TMEM132B: variants seen among roughly 807,000 people sequenced by gnomAD.
TMEM132B encodes the protein transmembrane protein 132B.
Under a neutral mutation model 90.8 loss-of-function variants are expected in TMEM132B, and 18 were observed. That is an observed-to-expected ratio of 0.20 (90% CI 0.14 to 0.29). TMEM132B has a LOEUF of 0.29. Ranked by LOEUF, TMEM132B falls within the 10% of genes least tolerant of loss-of-function variation. The pLI is 1.00. For missense variants in TMEM132B, 1,096 were observed against 1,326.8 expected (o/e 0.83, Z 2.70); for synonymous variants, 504 against 523.3 (o/e 0.96, Z 0.50).
At chr12:125,509,695 A>G (rs940459864) in intron 3 of TMEM132B, among the ~76,000 whole-genome samples, 2 of 152,150 alleles carry the variant, frequency 1.3e-5, no homozygotes, top group African/African-American at 4.8e-5. Flanking sequence ...TGAATTTTAC[A>G]TCTTAGGAAT....
chr12:125,622,539 T>C, intron 5 of TMEM132B: 1 of 955,280 alleles, frequency 1.0e-6, no homozygotes, highest in Non-Finnish European at 1.2e-6. Flanking sequence ...GTGGAGGCCA[T>C]GCTTTCACAT....
intron 3 of TMEM132B, among the ~76,000 whole-genome samples, chr12:125,496,555 A>G (rs932231791): frequency 6.6e-6 from 1 of 152,116 alleles, no homozygotes; most frequent in African/African-American, 2.4e-5. Flanking sequence ...AAATCAGCTT[A>G]ACCAAATATT....
chr12:125,263,054 T>C (rs1874603909), intron 1 of TMEM132B, among the ~76,000 whole-genome samples: 1 of 152,230 alleles, frequency 6.6e-6, no homozygotes, highest in African/African-American at 2.4e-5. Flanking sequence ...TACCCAGCAG[T>C]TTTCCACTTA....
chr12:125,315,145 GC>G (rs145415871), intron 1 of TMEM132B, among the ~76,000 whole-genome samples: 1,782 of 152,358 alleles, frequency 0.012, 23 homozygotes, highest in Non-Finnish European at 0.018. Context: ...CAGCACAGCA[GC>G]AAATCCAGCT....
chr12:125,384,542 T>C (rs1019764946), intron 2 of TMEM132B, among the ~76,000 whole-genome samples: 1 of 152,240 alleles, frequency 6.6e-6, no homozygotes, highest in African/African-American at 2.4e-5. Flanking sequence ...GTAAGAATAT[T>C]TAAAATATAC....
intron 1 of TMEM132B, among the ~76,000 whole-genome samples, chr12:125,224,542 T>C (rs1467236063): frequency 2.0e-5 from 3 of 152,222 alleles, no homozygotes; most frequent in East Asian, 3.9e-4. Flanking sequence ...GTGACTGTCT[T>C]GTATGAGGCA....
At chr12:125,402,175 A>ACTATCTATCTATCTAT (rs369737347) in intron 2 of TMEM132B, among the ~76,000 whole-genome samples, 4 of 152,076 alleles carry the variant, frequency 2.6e-5, no homozygotes, top group African/African-American at 9.7e-5. Context: ...TTGTTTACTT[A>ACTATCTATCTATCTAT]CTATCTATCT....
At chr12:125,509,677 A>G (rs973921760) in intron 3 of TMEM132B, among the ~76,000 whole-genome samples, 1 of 151,852 alleles carries the variant, frequency 6.6e-6, no homozygotes, top group African/African-American at 2.4e-5. Context: ...CTATTCTTTT[A>G]TACTTTTTGA....
intron 1 of TMEM132B, among the ~76,000 whole-genome samples, chr12:125,268,502 T>C (rs1026479804): frequency 1.3e-5 from 2 of 152,208 alleles, no homozygotes; most frequent in Admixed American, 6.5e-5. Context: ...GAAGACAGTG[T>C]ATATATTGGC....
intron 5 of TMEM132B, among the ~76,000 whole-genome samples, chr12:125,614,062 G>T (rs1029023563): frequency 1.3e-5 from 2 of 152,084 alleles, no homozygotes; most frequent in Admixed American, 6.6e-5. Context: ...AAGAAAGGAA[G>T]AAAAAGAAAT....
At chr12:125,328,771 C>A (rs1056346369) in intron 1 of TMEM132B, among the ~76,000 whole-genome samples, 3 of 152,210 alleles carry the variant, frequency 2.0e-5, no homozygotes, top group Non-Finnish European at 4.4e-5. Context: ...CAATGAACTA[C>A]AGGTCCTGTT....
rs573894768 is a variant in TMEM132B at position 125,659,552 on chromosome 12, T to G, written c.*4842T>G. ...GAGAGGCTGAAGTAGATGTTTCAGC[T>G]GAAAGATGGGTGGTACACTTGCCAA... On this transcript the variant is annotated 3_prime_UTR_variant, in exon 9 of 9. Coordinates refer to ENST00000682704, the MANE Select transcript of TMEM132B (RefSeq NM_001366854.1). The G allele has an allele frequency of 2.6e-5, 4 of 152,352 alleles. No individual in the cohort carries two copies. The highest frequency in any genetic ancestry group is 9.6e-5 in the African/African-American group (4 of 41,570). The allele number at this position is 152,352 out of a possible 1,614,324, so 9.4% of individuals were successfully genotyped here. A position where few individuals can be genotyped will look rare whatever the true frequency, so the allele number is the denominator to read the frequency against.
At chr12:125,447,342 C>T (rs893778344) in intron 3 of TMEM132B, among the ~76,000 whole-genome samples, 5 of 151,954 alleles carry the variant, frequency 3.3e-5, no homozygotes, top group African/African-American at 9.7e-5. Context: ...TTCTCATTAG[C>T]TTCAAAGTTA....
At chr12:125,625,290 G>A (rs1258424700) in intron 5 of TMEM132B, among the ~76,000 whole-genome samples, 4 of 151,676 alleles carry the variant, frequency 2.6e-5, no homozygotes, top group African/African-American at 7.3e-5. Context: ...CCGCCCCCAC[G>A]CCCAGCTAAT....
At chr12:125,207,237 G>A (rs558842762) in intron 1 of TMEM132B, among the ~76,000 whole-genome samples, 58 of 152,334 alleles carry the variant, frequency 3.8e-4, no homozygotes, top group Non-Finnish European at 7.2e-4. Flanking sequence ...CCTCTTCCCA[G>A]GGAGTGACTA....
chr12:125,504,497 C>A (rs1882781416), intron 3 of TMEM132B, among the ~76,000 whole-genome samples: 1 of 152,046 alleles, frequency 6.6e-6, no homozygotes, highest in African/African-American at 2.4e-5. Flanking sequence ...CGCTGGTTGT[C>A]ATTTGTGATA....
rs754131442 is a variant in TMEM132B at position 125,349,552 on chromosome 12, T to C, written c.168T>C (p.Phe56=). The C allele has an allele frequency of 6.2e-7, 1 of 1,614,168 alleles. No homozygotes were observed. Among genetic ancestry groups the C allele is most frequent in the East Asian group, 2.2e-5 (1 of 44,882 alleles). The stretch of plus-strand genomic sequence containing the variant: ...ACATCTCCAATGCAGAGGAGTCCTT[T>C]TTCCTTAAAGAAGCCAACCAAGACC... ...NLHISNAEES[F]FLKEANQDLT... is the part of the protein sequence containing the mutation. The change falls in exon 2 of 9, where the codon TTT becomes TTC. Residue 56 remains phenylalanine, a synonymous_variant. Transcript: ENST00000682704. The surrounding 1 kb of genome is among the most constrained non-coding windows in gnomAD (Gnocchi z 4.1).
chr12:125,597,370 C>A (rs952662531), intron 5 of TMEM132B, among the ~76,000 whole-genome samples: 1 of 152,126 alleles, frequency 6.6e-6, no homozygotes, highest in African/African-American at 2.4e-5. Flanking sequence ...GCTTAATGTG[C>A]CTGGCTTCAG....
At chr12:125,512,946 A>G (rs1360774969) in intron 3 of TMEM132B, among the ~76,000 whole-genome samples, 1 of 152,236 alleles carries the variant, frequency 6.6e-6, no homozygotes, top group African/African-American at 2.4e-5. Flanking sequence ...TCTCCAGGAC[A>G]TCAGTGTTGG....
Sources: gnomAD v4.1 joint callset for allele counts (sites outside exome capture counted in the v4.1 genomes callset) on GRCh38, gnomAD v4.1.1 for gene constraint, Gnocchi (gnomAD v3.1) non-coding constraint, MANE v1.5 for transcripts, NCBI Gene and HGNC (gene_info 2026-07-23, HGNC 2026-07-21) for gene names.